GLIS3: variants seen among roughly 807,000 people sequenced by gnomAD.
GLIS3 encodes the protein zinc finger protein GLIS3.
In GLIS3, 53 loss-of-function variants were observed where a neutral mutation model predicts 78.6. That is an observed-to-expected ratio of 0.67 (90% CI 0.54 to 0.85). The LOEUF is 0.85. Ranked by LOEUF, GLIS3 falls within the 40% of genes least tolerant of loss-of-function variation. GLIS3 has a pLI of 0.00. For synonymous variants in GLIS3, 684 were observed against 509.9 expected (o/e 1.34, Z -4.60); for missense variants, 1,703 against 1,231.1 (o/e 1.38, Z -5.74).
chr9:4,360,838 T>C, the GLIS3 span, among the ~76,000 whole-genome samples: 1 of 152,196 alleles, frequency 6.6e-6, no homozygotes, highest in East Asian at 1.9e-4. Context: ...TTCCTAGCCA[T>C]GTGCATTTGG....
the GLIS3 span, among the ~76,000 whole-genome samples, chr9:4,385,071 G>A: frequency 6.6e-6 from 1 of 152,216 alleles, no homozygotes; most frequent in Non-Finnish European, 1.5e-5. Flanking sequence ...ATATTTTGAA[G>A]TGTGTTTTGA....
intron 2 of GLIS3, among the ~76,000 whole-genome samples, chr9:4,279,320 TATATACAC>T (rs1303543829): frequency 1.8e-5 from 1 of 54,416 alleles, no homozygotes; most frequent in South Asian, 8.2e-4. Flanking sequence ...AAAAAATATA[TATATACAC>T]ACACACACAC....
rs567511638 is a variant in GLIS3, at chr9:3,924,674, CAA to C, written c.1983+7684_1983+7685del. Among the ~76,000 whole-genome samples, 265 of 152,230 alleles carry C rather than the reference CAA, an allele frequency of 1.7e-3. 1 individual carries two copies. Among genetic ancestry groups the C allele is most frequent in the African/African-American group, 6.2e-3 (259 of 41,526 alleles). ...CTCAACTGAAGCTGAAAAGGAAAGA[CAA>C]GAGAGAACTACCAGAGGGAGCAGTA... On this transcript the variant is annotated intron_variant, in intron 6 of 10. Transcript: ENST00000381971.
chr9:3,863,734 CAG>C (rs544055908), intron 8 of GLIS3, among the ~76,000 whole-genome samples: 188 of 152,264 alleles, frequency 1.2e-3, no homozygotes, highest in African/African-American at 4.3e-3. Flanking sequence ...ACAGAAAGGA[CAG>C]AGTGTTCTGG....
intron 2 of GLIS3, chr9:4,152,150 C>CT (rs1416847111): frequency 2.2e-5 from 22 of 982,144 alleles, no homozygotes; most frequent in Non-Finnish European, 2.4e-5. Context: ...GATGAAAACT[C>CT]TGCTTCCTCC....
chr9:4,284,569 A>C (rs1040665459), intron 2 of GLIS3, among the ~76,000 whole-genome samples: 14 of 152,004 alleles, frequency 9.2e-5, no homozygotes, highest in African/African-American at 3.4e-4. Context: ...TAAGAAATAA[A>C]ATGACTCAAA....
At chr9:4,001,234 G>T (rs978869666) in intron 4 of GLIS3, among the ~76,000 whole-genome samples, 1 of 152,118 alleles carries the variant, frequency 6.6e-6, no homozygotes, top group Admixed American at 6.5e-5. Context: ...AAGAGAGAAA[G>T]AATAATTACC....
At chr9:3,924,536 T>A (rs1298798834) in intron 6 of GLIS3, among the ~76,000 whole-genome samples, 1 of 152,238 alleles carries the variant, frequency 6.6e-6, no homozygotes, top group Non-Finnish European at 1.5e-5. Flanking sequence ...AGTTTTTGTA[T>A]TAGGCTTATC....
the GLIS3 span, among the ~76,000 whole-genome samples, chr9:4,425,274 C>G: frequency 6.6e-6 from 1 of 152,176 alleles, no homozygotes; most frequent in East Asian, 1.9e-4. Context: ...GAGTCTTAAT[C>G]CTAAGTAATA....
intron 4 of GLIS3, 112 bp from the exon 5 acceptor site, chr9:3,937,301 T>A: frequency 4.8e-6 from 5 of 1,043,184 alleles, no homozygotes; most frequent in Non-Finnish European, 5.7e-6. Flanking sequence ...AATGATAAAA[T>A]AAAATCAAAT....
intron 4 of GLIS3, among the ~76,000 whole-genome samples, chr9:4,031,983 G>C (rs557747636): frequency 5.3e-5 from 8 of 152,322 alleles, no homozygotes; most frequent in South Asian, 2.1e-4. Flanking sequence ...ACAGATAGGA[G>C]GTTAAGTTGA....
At chr9:4,265,904 TTTTGTTTGTCTG>T (rs1360565092) in intron 2 of GLIS3, among the ~76,000 whole-genome samples, 5 of 76,294 alleles carry the variant, frequency 6.6e-5, no homozygotes, top group Admixed American at 2.7e-4. Flanking sequence ...CTGGTTTTTT[TTTTGTTTGTCTG>T]TTTGTTTGTT....
In GLIS3 at chr9:3,899,540, T is replaced by C. The variant is rs186416160; in HGVS notation, c.1984-705A>G. On this transcript the variant is annotated intron_variant, in intron 6 of 10. Transcript: ENST00000381971. ...ATTGAAATGGAAAAAAAAAACAATG[T>C]AAGATTTAGTGACATAAAAATATTA... is the stretch of plus-strand genomic sequence containing the variant. 2.0e-4 allele frequency among the ~76,000 whole-genome samples: 31 copies of C among 152,192 alleles called. 1 individual carries two copies. Among genetic ancestry groups the C allele is most frequent in the South Asian group, 4.1e-4 (2 of 4,820 alleles).
At chr9:4,046,813 T>C (rs1321459864) in intron 4 of GLIS3, among the ~76,000 whole-genome samples, 1 of 152,160 alleles carries the variant, frequency 6.6e-6, no homozygotes, top group East Asian at 1.9e-4. Context: ...TTGAGAGACA[T>C]GGCAATTCTT....
chr9:3,979,778 T>A (rs954539931), intron 4 of GLIS3, among the ~76,000 whole-genome samples: 2 of 152,194 alleles, frequency 1.3e-5, no homozygotes, highest in African/African-American at 2.4e-5. Flanking sequence ...TTGAAAAAGA[T>A]AATTATTGAG....
chr9:4,138,688 C>G (rs555401492), intron 2 of GLIS3, among the ~76,000 whole-genome samples: 9 of 152,306 alleles, frequency 5.9e-5, no homozygotes, highest in African/African-American at 1.9e-4. Flanking sequence ...ATGCCTTAAG[C>G]TCTCTGTGCC....
intron 2 of GLIS3, among the ~76,000 whole-genome samples, chr9:4,152,754 T>G (rs1034011485): frequency 6.6e-6 from 1 of 152,148 alleles, no homozygotes; most frequent in Non-Finnish European, 1.5e-5. Flanking sequence ...GCAATAGGTT[T>G]CTTATATACC....
intron 2 of GLIS3, chr9:4,145,249 C>T (rs921563609): frequency 6.6e-6 from 1 of 152,244 alleles, no homozygotes; most frequent in Non-Finnish European, 1.5e-5. Context: ...AGCCTACTTA[C>T]TCCTTGTTAG....
At chr9:4,064,005 G>C (rs542146625) in intron 4 of GLIS3, among the ~76,000 whole-genome samples, 2 of 152,038 alleles carry the variant, frequency 1.3e-5, no homozygotes, top group African/African-American at 2.4e-5. Flanking sequence ...ATATTTCAAA[G>C]ACTTTTTTTT....
Sources: gnomAD v4.1 joint callset for allele counts (sites outside exome capture counted in the v4.1 genomes callset) on GRCh38, gnomAD v4.1.1 for gene constraint, MANE v1.5 for transcripts, NCBI Gene and HGNC (gene_info 2026-07-23, HGNC 2026-07-21) for gene names.